The following CNTN6 variants were observed in gnomAD, a reference collection of about 807,000 sequenced individuals.
The protein encoded by CNTN6 is contactin 6.
Under a neutral mutation model 122.8 loss-of-function variants are expected in CNTN6, and 137 were observed. The observed-to-expected ratio is 1.12, with a 90% CI of 0.97 to 1.29. The LOEUF is 1.29. CNTN6 is among the 50% of genes most tolerant of loss of function. CNTN6 has a pLI of 0.00. For missense variants in CNTN6, 1,634 were observed against 1,223.4 expected (o/e 1.34, Z -5.01); for synonymous variants, 570 against 426.0 (o/e 1.34, Z -4.16).
intron 17 of CNTN6, among the ~76,000 whole-genome samples, chr3:1,377,464 C>T (rs1710042241): frequency 6.6e-6 from 1 of 152,154 alleles, no homozygotes; most frequent in African/African-American, 2.4e-5. Context: ...TGCTGTTCAC[C>T]TCTGATCAAC....
intron 11 of CNTN6, among the ~76,000 whole-genome samples, chr3:1,337,059 C>T (rs185120034): frequency 2.0e-5 from 3 of 152,202 alleles, no homozygotes; most frequent in East Asian, 3.9e-4. Context: ...AAATGGTCCC[C>T]TTGGGAAGAC....
rs532282828 is a variant in CNTN6, at chr3:1,348,157, C to CAAAAAAAAAAAA, written c.1365-4159_1365-4148dup. On this transcript the variant is annotated intron_variant, in intron 11 of 22. Transcript: ENST00000446702. Reference sequence around the variant, plus strand: ...AATATTAGTATTTCTATGCTATAGACAAAAAAAAAAAAAAAAAAAGGACTT... The same window carrying CAAAAAAAAAAAA: ...AATATTAGTATTTCTATGCTATAGACAAAAAAAAAAAAAAAAAAAAAAAAAAAAAAAGGACTT... Among the ~76,000 whole-genome samples the CAAAAAAAAAAAA allele has an allele frequency of 3.4e-3, 219 of 64,240 alleles. 26 individuals carry two copies. Among genetic ancestry groups the CAAAAAAAAAAAA allele is most frequent in the African/African-American group, 0.014 (198 of 14,556 alleles). 42.1% of individuals were successfully genotyped at this position (64,240 alleles called of 152,430 possible). A position where few individuals can be genotyped will look rare whatever the true frequency, so the allele number is the denominator to read the frequency against.
intron 1 of CNTN6, among the ~76,000 whole-genome samples, chr3:1,110,739 G>C (rs374253341): frequency 1.3e-5 from 2 of 152,062 alleles, no homozygotes; most frequent in Non-Finnish European, 2.9e-5. Flanking sequence ...TTGTGATTGA[G>C]ATGAAGCTAG....
chr3:1,401,270 G>T, intron 20 of CNTN6, 163 bp from the exon 21 acceptor site: 1 of 584,528 alleles, frequency 1.7e-6, no homozygotes, highest in Non-Finnish European at 3.0e-6. Context: ...GAATAAATTT[G>T]CTTACTGTGA....
At chr3:1,245,914 TA>T (rs59509148) in intron 4 of CNTN6, among the ~76,000 whole-genome samples, 28 of 148,910 alleles carry the variant, frequency 1.9e-4, no homozygotes, top group Admixed American at 8.7e-4. Context: ...GCTGATGAGC[TA>T]AAAAAAAAAT....
intron 2 of CNTN6, among the ~76,000 whole-genome samples, chr3:1,190,368 G>A (rs985683762): frequency 2.6e-5 from 4 of 152,140 alleles, no homozygotes; most frequent in Admixed American, 2.0e-4. Flanking sequence ...GGTCTATAAC[G>A]TTAGTCACAT....
chr3:1,347,368 T>C (rs1704891501), intron 11 of CNTN6, among the ~76,000 whole-genome samples: 1 of 152,164 alleles, frequency 6.6e-6, no homozygotes, highest in Non-Finnish European at 1.5e-5. Flanking sequence ...TTCTATTTAA[T>C]TGTGTGAACA....
chr3:1,230,248 A>C (rs979913685), intron 4 of CNTN6, among the ~76,000 whole-genome samples: 1 of 152,134 alleles, frequency 6.6e-6, no homozygotes, highest in East Asian at 1.9e-4. Flanking sequence ...CTTTTTGTCA[A>C]ATATCTAGTG....
At chr3:1,344,155 G>A (rs1259305244) in intron 11 of CNTN6, among the ~76,000 whole-genome samples, 3 of 152,132 alleles carry the variant, frequency 2.0e-5, no homozygotes, top group Non-Finnish European at 2.9e-5. Context: ...GGAGAAGGAT[G>A]TGATAGAGAA....
intron 18 of CNTN6, 37 bp from the exon 19 acceptor site, chr3:1,383,256 T>G (rs749160646): frequency 6.3e-7 from 1 of 1,594,906 alleles, no homozygotes; most frequent in African/African-American, 1.3e-5. Flanking sequence ...AATGAACCAC[T>G]CTGCTAAAGA....
At chr3:1,344,101 G>C (rs1276556222) in intron 11 of CNTN6, among the ~76,000 whole-genome samples, 1 of 152,118 alleles carries the variant, frequency 6.6e-6, no homozygotes, top group Admixed American at 6.6e-5. Flanking sequence ...CTGCATCTCA[G>C]TTTTTTGATG....
At chr3:1,093,475 C>T (rs778392132) in intron 1 of CNTN6, among the ~76,000 whole-genome samples, 15 of 151,420 alleles carry the variant, frequency 9.9e-5, no homozygotes, top group Admixed American at 2.0e-4. Flanking sequence ...GATGGCTACA[C>T]GCCCTTTCTG....
intron 6 of CNTN6, among the ~76,000 whole-genome samples, chr3:1,296,829 C>T (rs1696315052): frequency 1.3e-5 from 2 of 152,112 alleles, no homozygotes; most frequent in Non-Finnish European, 2.9e-5. Context: ...CAACAATATA[C>T]TTGGAGATTC....
chr3:1,157,096 G>T (rs1020198413), intron 2 of CNTN6, among the ~76,000 whole-genome samples: 1 of 151,334 alleles, frequency 6.6e-6, no homozygotes, highest in African/African-American at 2.4e-5. Flanking sequence ...GAGATATTTT[G>T]ATATAGGCAT....
intron 4 of CNTN6, among the ~76,000 whole-genome samples, chr3:1,273,054 C>A (rs941629313): frequency 1.3e-5 from 2 of 152,142 alleles, no homozygotes; most frequent in Non-Finnish European, 2.9e-5. Context: ...GAGCCTTATT[C>A]GTGACTGCAT....
chr3:1,135,561 A>C (rs2092450027), intron 1 of CNTN6, among the ~76,000 whole-genome samples: 1 of 152,172 alleles, frequency 6.6e-6, no homozygotes, highest in Non-Finnish European at 1.5e-5. Flanking sequence ...GCAGGGTTTT[A>C]CTGTATTTAT....
intron 4 of CNTN6, among the ~76,000 whole-genome samples, chr3:1,256,575 G>C (rs1365506912): frequency 2.6e-5 from 4 of 152,134 alleles, no homozygotes; most frequent in Non-Finnish European, 4.4e-5. Flanking sequence ...CTAACCATAT[G>C]AATTTGAGAA....
At chr3:1,364,969 A>G (rs1277703234) in intron 12 of CNTN6, among the ~76,000 whole-genome samples, 1 of 152,000 alleles carries the variant, frequency 6.6e-6, no homozygotes, top group East Asian at 1.9e-4. Flanking sequence ...AATGATTGTC[A>G]TTTATATTTA....
intron 4 of CNTN6, among the ~76,000 whole-genome samples, chr3:1,233,850 C>G (rs1468300131): frequency 6.6e-6 from 1 of 150,554 alleles, no homozygotes; most frequent in Non-Finnish European, 1.5e-5. Flanking sequence ...AGCACACATA[C>G]TTAGGGGGCA....
Sources: gnomAD v4.1 joint callset for allele counts (sites outside exome capture counted in the v4.1 genomes callset) on GRCh38, gnomAD v4.1.1 for gene constraint, MANE v1.5 for transcripts, NCBI Gene and HGNC (gene_info 2026-07-23, HGNC 2026-07-21) for gene names.